Variants in CCDC6 observed in about 807,000 individuals in gnomAD.
CCDC6 encodes the protein coiled-coil domain-containing protein 6.
CCDC6 carries 20 observed loss-of-function variants against 56.6 expected under a neutral mutation model. The ratio of observed to expected loss-of-function variants is 0.35; its 90% CI spans 0.25 to 0.51. The LOEUF is 0.51. Among genes scored for constraint, CCDC6 ranks in the 20% least tolerant of loss-of-function variants. CCDC6 has a pLI of 0.95. For synonymous variants in CCDC6, 241 were observed against 234.4 expected (o/e 1.03, Z -0.26); for missense variants, 367 against 601.1 (o/e 0.61, Z 4.07).
At chr10:59,888,110 ATTCTACC>A (rs2071396214) in intron 1 of CCDC6, among the ~76,000 whole-genome samples, 2 of 152,232 alleles carry the variant, frequency 1.3e-5, no homozygotes, top group African/African-American at 4.8e-5. Flanking sequence ...ACTGCTTGTT[ATTCTACC>A]TGTCCAGAAA....
intron 1 of CCDC6, among the ~76,000 whole-genome samples, chr10:59,868,005 G>A (rs1437221097): frequency 1.3e-5 from 2 of 152,156 alleles, no homozygotes; most frequent in Admixed American, 6.5e-5. Context: ...CAAACAAGCT[G>A]TACCACCTTG....
chr10:59,804,795 G>C (rs2070606744), intron 6 of CCDC6: 1 of 325,398 alleles, frequency 3.1e-6, no homozygotes, highest in Non-Finnish European at 5.8e-6. Flanking sequence ...ACCACAGAGA[G>C]GACCAGTTTT....
chr10:59,887,577 T>C (rs1347507112), intron 1 of CCDC6, among the ~76,000 whole-genome samples: 2 of 151,844 alleles, frequency 1.3e-5, no homozygotes, highest in African/African-American at 4.8e-5. Context: ...ACCTTTTGTG[T>C]TAAAGGGAAG....
At chr10:59,834,813 A>G (rs1159293591) in intron 2 of CCDC6, among the ~76,000 whole-genome samples, 1 of 152,164 alleles carries the variant, frequency 6.6e-6, no homozygotes, top group East Asian at 1.9e-4. Flanking sequence ...AAAAGAACTA[A>G]GACGAATGAA....
intron 3 of CCDC6, among the ~76,000 whole-genome samples, chr10:59,824,822 G>A (rs2070774723): frequency 6.6e-6 from 1 of 151,862 alleles, no homozygotes; most frequent in Non-Finnish European, 1.5e-5. Flanking sequence ...TGGATTATTT[G>A]TACAATGCAA....
intron 1 of CCDC6, among the ~76,000 whole-genome samples, chr10:59,905,138 G>T (rs766058476): frequency 6.6e-6 from 1 of 152,146 alleles, no homozygotes; most frequent in Non-Finnish European, 1.5e-5. Context: ...TTAATGATGT[G>T]GTGAGCTGGC....
At chr10:59,897,535 C>T (rs923004983) in intron 1 of CCDC6, among the ~76,000 whole-genome samples, 1 of 152,128 alleles carries the variant, frequency 6.6e-6, no homozygotes, top group Non-Finnish European at 1.5e-5. Context: ...GGATTACAGG[C>T]GTGAGCCATC....
At chr10:59,883,393 A>T (rs1201981327) in intron 1 of CCDC6, among the ~76,000 whole-genome samples, 1 of 152,230 alleles carries the variant, frequency 6.6e-6, no homozygotes. Context: ...TCAAAAACTA[A>T]GACGTACTCC....
At chr10:59,847,628 G>C (rs914837946) in intron 2 of CCDC6, among the ~76,000 whole-genome samples, 7 of 152,058 alleles carry the variant, frequency 4.6e-5, no homozygotes, top group Middle Eastern at 3.4e-3. Context: ...GGTTTCAAAA[G>C]GTAAGGACAA....
At chr10:59,905,066 C>T (rs1001433387) in intron 1 of CCDC6, among the ~76,000 whole-genome samples, 2 of 152,188 alleles carry the variant, frequency 1.3e-5, no homozygotes, top group Non-Finnish European at 2.9e-5. Flanking sequence ...ACATCATCTT[C>T]TCTGCTTCTG....
intron 2 of CCDC6, among the ~76,000 whole-genome samples, chr10:59,842,830 A>T (rs984272825): frequency 2.0e-5 from 3 of 148,248 alleles, no homozygotes; most frequent in Non-Finnish European, 4.4e-5. Flanking sequence ...CTCAGCTCAC[A>T]GCAAGCTCCG....
chr10:59,838,604 G>T (rs1327180896), intron 2 of CCDC6, among the ~76,000 whole-genome samples: 2 of 152,212 alleles, frequency 1.3e-5, no homozygotes. Context: ...GAATGGATGG[G>T]TGTAAGCCAG....
chr10:59,825,618 T>C (rs958098537), intron 3 of CCDC6, among the ~76,000 whole-genome samples: 1 of 152,220 alleles, frequency 6.6e-6, no homozygotes, highest in African/African-American at 2.4e-5. Context: ...AAAGATTATC[T>C]GTATAATTCA....
chr10:59,905,027 T>C (rs1455099886), intron 1 of CCDC6, among the ~76,000 whole-genome samples: 3 of 152,226 alleles, frequency 2.0e-5, no homozygotes, highest in Non-Finnish European at 4.4e-5. Context: ...TTGCAGCAGC[T>C]ATGGCCATTT....
Position 59,822,114 on chromosome 10 carries a change from G to T in CCDC6, c.583-7359C>A, listed in dbSNP as rs563451143. Reference sequence around the variant, plus strand: ...GTTATTTGGAAGATAGAATTTTCCAGATAGCTCAGAGTTTACTTTCTTTAA... The same window carrying T: ...GTTATTTGGAAGATAGAATTTTCCATATAGCTCAGAGTTTACTTTCTTTAA... On this transcript the variant is annotated intron_variant, in intron 3 of 8. Coordinates refer to ENST00000263102, the MANE Select transcript of CCDC6 (RefSeq NM_005436.5). Among the ~76,000 whole-genome samples, 5 of 152,314 alleles carry T rather than the reference G, an allele frequency of 3.3e-5. No individual in the cohort carries two copies. In the East Asian group the frequency reaches 9.6e-4, roughly 29 times the overall value.
In CCDC6 at chr10:59,790,177, C is replaced by T. The variant is rs574342201; in HGVS notation, c.*2740G>A. The T allele has an allele frequency of 5.5e-5, 12 of 216,434 alleles. No homozygotes were observed. In the East Asian group the frequency reaches 8.2e-4, roughly 15 times the overall value. The allele number at this position is 216,434 out of a possible 1,614,324, so 13.4% of individuals were successfully genotyped here. On this transcript the variant is annotated 3_prime_UTR_variant, in exon 9 of 9. Transcript: ENST00000263102. ...AGTTAATTTGGTTTTGTATAAAAGGCATGGTAATCTGGCAACAGAGTACTT... is the reference window on the plus strand; with the variant it reads ...AGTTAATTTGGTTTTGTATAAAAGGTATGGTAATCTGGCAACAGAGTACTT...
In CCDC6 at chr10:59,821,503, T is replaced by C. The variant is rs547494728; in HGVS notation, c.583-6748A>G. 1.2e-4 allele frequency among the ~76,000 whole-genome samples: 19 copies of C among 152,318 alleles called. No individual in the cohort carries two copies. In the East Asian group the frequency reaches 3.5e-3, roughly 28 times the overall value. ...AAAAAAAGACAAAACAAGTAGTCAGTCTGTGTTACAGATAAACTAAGACAG... is the reference window on the plus strand; with the variant it reads ...AAAAAAAGACAAAACAAGTAGTCAGCCTGTGTTACAGATAAACTAAGACAG... On this transcript the variant is annotated intron_variant, in intron 3 of 8. Transcript: ENST00000263102.
intron 3 of CCDC6, among the ~76,000 whole-genome samples, chr10:59,823,502 A>G (rs1214111841): frequency 6.6e-6 from 1 of 152,192 alleles, no homozygotes; most frequent in Non-Finnish European, 1.5e-5. Context: ...TCTCACAACT[A>G]CTGTGAAGGG....
chr10:59,827,805 A>G (rs2070800920), intron 3 of CCDC6, among the ~76,000 whole-genome samples: 1 of 152,234 alleles, frequency 6.6e-6, no homozygotes, highest in Non-Finnish European at 1.5e-5. Context: ...AGGAAAAAGT[A>G]AGGGGTCTGG....
Sources: gnomAD v4.1 joint callset for allele counts (sites outside exome capture counted in the v4.1 genomes callset) on GRCh38, gnomAD v4.1.1 for gene constraint, MANE v1.5 for transcripts, NCBI Gene and HGNC (gene_info 2026-07-23, HGNC 2026-07-21) for gene names.